FBXO7: variants seen among roughly 807,000 people sequenced by gnomAD.
The protein encoded by FBXO7 is F-box protein 7.
Under a neutral mutation model 50.2 loss-of-function variants are expected in FBXO7, and 31 were observed. That is an observed-to-expected ratio of 0.62 (90% confidence interval 0.46 to 0.83). The LOEUF is 0.83. Among genes scored for constraint, FBXO7 ranks in the 40% least tolerant of loss-of-function variants. FBXO7 has a pLI of 0.00. For synonymous variants in FBXO7, 256 were observed against 253.1 expected, an observed-to-expected ratio of 1.01 and a Z score of -0.11; for missense variants, 667 against 646.6, an observed-to-expected ratio of 1.03 and a Z score of -0.34.
At chr22:32,491,837 A>G (rs1185202322) in intron 6 of FBXO7, 1 of 52,686 alleles carries the variant, frequency 1.9e-5, no homozygotes, top group Non-Finnish European at 3.8e-5. Flanking sequence ...TTAGCTTCTC[A>G]TTTTTTTGCA....
intron 1 of FBXO7, 27 bp from the exon 2 acceptor site, chr22:32,478,954 A>T: frequency 2.5e-6 from 4 of 1,609,758 alleles, no homozygotes; most frequent in Non-Finnish European, 2.6e-6. Flanking sequence ...GGTAGTTCTT[A>T]CTATGCTTAT....
chr22:32,491,578 TGTCTATA>T (rs1292638595), intron 6 of FBXO7: 7 of 144,600 alleles, frequency 4.8e-5, no homozygotes, highest in African/African-American at 1.7e-4. Flanking sequence ...TAGATATATA[TGTCTATA>T]TAGACATATA....
chr22:32,491,605 A>G (rs1273323405), intron 6 of FBXO7: 2 of 21,134 alleles, frequency 9.5e-5, no homozygotes. Flanking sequence ...ATTTAGATAT[A>G]TATGTCTATA....
chr22:32,476,442 A>C (rs760363230), intron 1 of FBXO7, among the ~76,000 whole-genome samples: 2 of 152,210 alleles, frequency 1.3e-5, no homozygotes, highest in African/African-American at 4.8e-5. Flanking sequence ...GTGAAACTCA[A>C]TATGACTGCC....
chr22:32,487,647 G>GTATAT (rs1437953276), intron 4 of FBXO7, 98 bp from the exon 5 acceptor site: 2 of 758,496 alleles, frequency 2.6e-6, no homozygotes. Flanking sequence ...TGTGTCCTTA[G>GTATAT]TATATTAGGA....
At chr22:32,494,251 CTGCTT>C (rs1207600963) in intron 7 of FBXO7, among the ~76,000 whole-genome samples, 1 of 151,644 alleles carries the variant, frequency 6.6e-6, no homozygotes, top group Non-Finnish European at 1.5e-5. Context: ...GGTCCTCTTT[CTGCTT>C]TATTTATGCC....
At chr22:32,496,652 A>C (rs1219296730) in intron 8 of FBXO7, among the ~76,000 whole-genome samples, 1 of 152,226 alleles carries the variant, frequency 6.6e-6, no homozygotes, top group Non-Finnish European at 1.5e-5. Context: ...TCCTTTTAAA[A>C]TACTACTGCT....
At chr22:32,495,346 G>A (rs893800158) in intron 7 of FBXO7, 147 bp from the exon 8 acceptor site, 7 of 596,996 alleles carry the variant, frequency 1.2e-5, no homozygotes, top group Admixed American at 9.4e-5. Context: ...AAATGATATA[G>A]TGTGTGTTAT....
chr22:32,498,744 GC>G lies in FBXO7; in HGVS notation c.*216del. On this transcript the variant is annotated 3_prime_UTR_variant, in exon 9 of 9. Transcript: ENST00000266087. ...AGGTTGGCCTTGGGAATAGTTGGCT[GC>G]CAATCTCCCTGCTCTTGGTTCTCCT... 1 of 600,000 alleles carries G rather than the reference GC, an allele frequency of 1.7e-6. No homozygotes were observed. The highest frequency in any genetic ancestry group is 2.9e-6 in the Non-Finnish European group (1 of 339,772). 37.2% of individuals were successfully genotyped at this position (600,000 alleles called of 1,614,324 possible).
In FBXO7 at chr22:32,498,211, C is replaced by G. The variant is rs147055627; in HGVS notation, c.1250C>G (p.Ser417Trp). ...GGGCGGTTTGTGATGCTCCTGCCATCGTCAACTCACACCATTCCATTCTAT... is the reference window on the plus strand; with the variant it reads ...GGGCGGTTTGTGATGCTCCTGCCATGGTCAACTCACACCATTCCATTCTAT... ...PKGRFVMLLP[S>W]STHTIPFYPN... The change falls in exon 9 of 9, where the codon TCG becomes TGG. Residue 417 changes from serine (S) to tryptophan (W), a missense_variant. Physicochemically the swap from Ser to Trp is radical, Grantham distance 177 (BLOSUM62 -3). Coordinates refer to ENST00000266087, the MANE Select transcript of FBXO7 (RefSeq NM_012179.4). 1 of 1,614,182 alleles carries G rather than the reference C, an allele frequency of 6.2e-7. No homozygotes were observed.
chr22:32,480,552 CTA>C (rs1204450801), intron 2 of FBXO7, among the ~76,000 whole-genome samples: 1 of 152,050 alleles, frequency 6.6e-6, no homozygotes, highest in East Asian at 1.9e-4. Flanking sequence ...CCTCTCTAGT[CTA>C]TATTTCTACC....
At chr22:32,490,946 C>T in intron 5 of FBXO7, 140 bp from the exon 6 acceptor site, 1 of 652,398 alleles carries the variant, frequency 1.5e-6, no homozygotes, top group Non-Finnish European at 2.7e-6. Flanking sequence ...GTACTTCTTC[C>T]ATGAGGGAAT....
chr22:32,479,299 C>A, intron 2 of FBXO7, 24 bp downstream of exon 2: 1 of 1,611,278 alleles, frequency 6.2e-7, no homozygotes, highest in South Asian at 1.1e-5. Flanking sequence ...ACCAATATAT[C>A]AAATAGAGTA....
At chr22:32,475,912 T>G (rs1477781342) in intron 1 of FBXO7, 1 of 152,554 alleles carries the variant, frequency 6.6e-6, no homozygotes, top group African/African-American at 2.4e-5. Flanking sequence ...TTTGTTTCCC[T>G]AAAAGATACT....
intron 5 of FBXO7, chr22:32,489,450 T>C (rs2145998465): frequency 6.6e-6 from 1 of 152,284 alleles, no homozygotes. Context: ...GGGAGGACCT[T>C]GTTATGGGGA....
intron 4 of FBXO7, 35 bp downstream of exon 4, chr22:32,485,244 T>C: frequency 6.2e-7 from 1 of 1,613,848 alleles, no homozygotes; most frequent in Non-Finnish European, 8.5e-7. Context: ...TGCTGGTTTA[T>C]GGATTCTTAG....
At chr22:32,488,019 G>C (rs1268012423) in intron 5 of FBXO7, 191 bp downstream of exon 5, 8 of 549,146 alleles carry the variant, frequency 1.5e-5, no homozygotes, top group Admixed American at 3.1e-5. Flanking sequence ...TGAGGAGTTT[G>C]TTTCTTTCCT....
intron 2 of FBXO7, among the ~76,000 whole-genome samples, chr22:32,482,197 A>G (rs922940769): frequency 6.6e-6 from 1 of 152,192 alleles, no homozygotes; most frequent in Non-Finnish European, 1.5e-5. Context: ...TTTCTTAGGA[A>G]ATATGGAAAT....
intron 6 of FBXO7, chr22:32,492,013 A>G (rs777367892): frequency 9.9e-5 from 15 of 152,166 alleles, no homozygotes; most frequent in African/African-American, 3.4e-4. Flanking sequence ...TGTTGGTTCA[A>G]CGCTTTTGCC....
Sources: gnomAD v4.1 joint callset for allele counts (sites outside exome capture counted in the v4.1 genomes callset) on GRCh38, gnomAD v4.1.1 for gene constraint, MANE v1.5 for transcripts, NCBI Gene and HGNC (gene_info 2026-07-23, HGNC 2026-07-21) for gene names.